RTN1: variants seen among roughly 807,000 people sequenced by gnomAD.
RTN1 encodes the protein reticulon-1.
RTN1 carries 25 observed loss-of-function variants against 65.5 expected under a neutral mutation model. The observed-to-expected ratio is 0.38, with a 90% CI of 0.28 to 0.53. The LOEUF is 0.53. Among genes scored for constraint, RTN1 ranks in the 20% least tolerant of loss-of-function variants. The pLI is 0.79. For missense variants in RTN1, 983 were observed against 1,025.4 expected, an observed-to-expected ratio of 0.96 and a Z score of 0.57; for synonymous variants, 471 against 447.6, an observed-to-expected ratio of 1.05 and a Z score of -0.66.
intron 3 of RTN1, among the ~76,000 whole-genome samples, chr14:59,705,956 C>A (rs1343860019): frequency 1.3e-5 from 2 of 152,164 alleles, no homozygotes; most frequent in Non-Finnish European, 2.9e-5. Flanking sequence ...CCAGCTTTTC[C>A]TTCCAAGGCA....
intron 3 of RTN1, among the ~76,000 whole-genome samples, chr14:59,691,671 T>C (rs1883965101): frequency 6.6e-6 from 1 of 152,060 alleles, no homozygotes; most frequent in Admixed American, 6.6e-5. Flanking sequence ...TAAACATAGA[T>C]GCAAAAATCC....
At chr14:59,644,785 C>T (rs1330527515) in intron 3 of RTN1, among the ~76,000 whole-genome samples, 3 of 151,392 alleles carry the variant, frequency 2.0e-5, no homozygotes, top group Admixed American at 1.3e-4. Flanking sequence ...CCTTGGCTGT[C>T]GTTGCCTTCA....
At chr14:59,699,351 A>G (rs999615830) in intron 3 of RTN1, among the ~76,000 whole-genome samples, 1 of 152,166 alleles carries the variant, frequency 6.6e-6, no homozygotes, top group Non-Finnish European at 1.5e-5. Context: ...TATGAGTCAA[A>G]CTAGAATACC....
At chr14:59,757,468 C>T (rs533153019) in intron 1 of RTN1, among the ~76,000 whole-genome samples, 104 of 152,308 alleles carry the variant, frequency 6.8e-4, no homozygotes, top group African/African-American at 2.2e-3. Flanking sequence ...GCTCTTCCTT[C>T]GTCTTCCGCC....
rs184135098 is a variant in RTN1, at chr14:59,693,700, G to T, written c.1765+33219C>A. 1.8e-4 allele frequency among the ~76,000 whole-genome samples: 28 copies of T among 152,188 alleles called. 1 individual carries two copies. The East Asian group carries it at 5.2e-3, about 28-fold the overall frequency. On this transcript the variant is annotated intron_variant, in intron 3 of 8. Transcript: ENST00000267484. ...GAATGCCATTATTTTGTTCCTTCCT[G>T]GTTTTTACTTTTTTGTACAAGGTAT...
chr14:59,726,789 A>C, intron 3 of RTN1, 130 bp downstream of exon 3: 1 of 783,200 alleles, frequency 1.3e-6, no homozygotes, highest in Non-Finnish European at 2.0e-6. Context: ...CCCCCCTGGA[A>C]CCGTTCTCTG....
chr14:59,848,929 T>G (rs1887455768), intron 1 of RTN1, among the ~76,000 whole-genome samples: 1 of 150,288 alleles, frequency 6.7e-6, no homozygotes, highest in African/African-American at 2.4e-5. Flanking sequence ...AATCCTTAGC[T>G]ATCTATTTCA....
chr14:59,749,469 C>A (rs540409425), intron 1 of RTN1, among the ~76,000 whole-genome samples: 2 of 91,664 alleles, frequency 2.2e-5, no homozygotes, highest in African/African-American at 5.1e-5. Context: ...TATATCTAAT[C>A]TATCTATATA....
At position 59,727,096 on chromosome 14, in the gene RTN1, G is replaced by C; in HGVS notation, c.1588C>G (p.Pro530Ala). The change falls in exon 3 of 9, where the codon CCC becomes GCC. Residue 530 changes from proline (P) to alanine (A), a missense_variant. Pro to Ala is a conservative substitution (Grantham distance 27). Around this residue, in one of 2 missense-constraint regions of RTN1, gnomAD observed 818 missense variants for 801.8 expected, o/e 1.02. Coordinates refer to ENST00000267484, the MANE Select transcript of RTN1 (RefSeq NM_021136.3). The surrounding 1 kb of genome is among the most constrained non-coding windows in gnomAD (Gnocchi z 4.2). ...GGGGGCAGCTCGGGGCCAGGCTGGGGCTCAGTTGAGGGGTAGTCGAGGAAG... is the reference window on the plus strand; with the variant it reads ...GGGGGCAGCTCGGGGCCAGGCTGGGCCTCAGTTGAGGGGTAGTCGAGGAAG... ...GSFLDYPSTE[P>A]QPGPELPPGD... 1 of 1,611,124 alleles carries C rather than the reference G, an allele frequency of 6.2e-7. No homozygotes were observed.
At chr14:59,624,514 T>G (rs1263265118) in intron 3 of RTN1, among the ~76,000 whole-genome samples, 3 of 151,532 alleles carry the variant, frequency 2.0e-5, no homozygotes, top group African/African-American at 4.9e-5. Flanking sequence ...CAGGCTGGAG[T>G]GCAATGGCGT....
At chr14:59,693,714 T>G (rs998480094) in intron 3 of RTN1, among the ~76,000 whole-genome samples, 3 of 152,220 alleles carry the variant, frequency 2.0e-5, no homozygotes, top group African/African-American at 7.2e-5. Context: ...TTTACTTTTT[T>G]GTACAAGGTA....
intron 3 of RTN1, 141 bp downstream of exon 3, chr14:59,726,778 T>C (rs1884769970): frequency 4.1e-6 from 3 of 725,118 alleles, no homozygotes; most frequent in African/African-American, 1.8e-5. Flanking sequence ...TCTCCTCCCA[T>C]CCCCCCTGGA....
chr14:59,797,824 T>C (rs1886467101), intron 1 of RTN1, among the ~76,000 whole-genome samples: 2 of 152,342 alleles, frequency 1.3e-5, no homozygotes, highest in South Asian at 2.1e-4. Context: ...ATAGTGTTTA[T>C]AGTGTTTGAA....
chr14:59,701,739 A>G (rs1460498954), intron 3 of RTN1, among the ~76,000 whole-genome samples: 1 of 152,132 alleles, frequency 6.6e-6, no homozygotes, highest in East Asian at 1.9e-4. Context: ...TGGGGTGATG[A>G]AATTTTTTGA....
At chr14:59,684,360 T>C (rs958783080) in intron 3 of RTN1, among the ~76,000 whole-genome samples, 4 of 152,090 alleles carry the variant, frequency 2.6e-5, no homozygotes, top group Non-Finnish European at 4.4e-5. Context: ...ACAATTTACA[T>C]ATTTTTCAAA....
chr14:59,670,333 T>C (rs1025694432), intron 3 of RTN1, among the ~76,000 whole-genome samples: 5 of 152,190 alleles, frequency 3.3e-5, no homozygotes, highest in Non-Finnish European at 7.3e-5. Context: ...TTAACTTATA[T>C]AGAAGGAAAT....
In RTN1 at chr14:59,803,316, T is replaced by C. The variant is rs975670664; in HGVS notation, c.242-56835A>G. On this transcript the variant is annotated intron_variant, in intron 1 of 8. Transcript: ENST00000267484. The surrounding 1 kb of genome is among the most constrained non-coding windows in gnomAD (Gnocchi z 5.6). ...ATGCCTTTACAAGCTAAGAATTCAA[T>C]CCAGATGTGAAAAGTTTCCACACGC... 1.2e-4 allele frequency among the ~76,000 whole-genome samples: 19 copies of C among 152,060 alleles called. No homozygotes were observed. The highest frequency in any genetic ancestry group is 4.3e-4 in the African/African-American group (18 of 41,420).
intron 1 of RTN1, among the ~76,000 whole-genome samples, chr14:59,815,423 A>G (rs1934568811): frequency 6.6e-6 from 1 of 151,856 alleles, no homozygotes; most frequent in African/African-American, 2.4e-5. Context: ...TCATGCTTAA[A>G]TCTCTCCCAG....
rs1887885191 is a variant in RTN1, at chr14:59,870,615, C to T, written c.16G>A (p.Asp6Asn). Residue 6 changes from aspartate (D) to asparagine (N), a missense_variant, in exon 1 of 9, where the codon GAT becomes AAT. By Grantham distance (23) the Asp-to-Asn change is conservative. Around this residue, in one of 2 missense-constraint regions of RTN1, gnomAD observed 818 missense variants for 801.8 expected, o/e 1.02. Transcript: ENST00000267484. This position sits in a 1 kb window ranked among gnomAD's most constrained non-coding sequence, Gnocchi z 5.1. The part of the protein sequence containing the change: MAAPG[D>N]PQDELLPLAG... Reference sequence around the variant, plus strand: ...AGCGGCAGCAGCTCGTCCTGCGGATCCCCCGGCGCGGCCATGGCTGGCGGT... The same window carrying T: ...AGCGGCAGCAGCTCGTCCTGCGGATTCCCCGGCGCGGCCATGGCTGGCGGT... The T allele has an allele frequency of 7.0e-7, 1 of 1,422,566 alleles. No homozygotes were observed. 88.1% of individuals were successfully genotyped at this position (1,422,566 alleles called of 1,614,324 possible). A position where few individuals can be genotyped will look rare whatever the true frequency, so the allele number is the denominator to read the frequency against.
Sources: allele counts gnomAD v4.1 joint callset (sites outside exome capture counted in the v4.1 genomes callset), GRCh38; gene constraint gnomAD v4.1.1; regional missense constraint gnomAD v4.1.1; non-coding constraint Gnocchi (gnomAD v3.1); transcripts MANE v1.5; gene names NCBI Gene and HGNC (gene_info 2026-07-23, HGNC 2026-07-21).